EDIL3: variants seen among roughly 807,000 people sequenced by gnomAD.
EDIL3 encodes the protein EGF like and discoidin domains 3, also known as EGF-like repeat and discoidin I-like domain-containing protein 3.
A neutral mutation model predicts 67.4 loss-of-function variants in EDIL3; 37 were observed. That is an observed-to-expected ratio of 0.55 (90% CI 0.42 to 0.72). The LOEUF (loss-of-function observed/expected upper bound fraction) is 0.72. Among genes scored for constraint, EDIL3 ranks in the 30% least tolerant of loss-of-function variants. The pLI, the probability that EDIL3 is intolerant of heterozygous loss-of-function variation, is 0.00. For missense variants in EDIL3, 527 were observed against 586.3 expected (o/e 0.90, Z 1.04); for synonymous variants, 195 against 196.3 (o/e 0.99, Z 0.05).
chr5:84,114,945 G>C lies in EDIL3; in HGVS notation c.470-8115C>G, dbSNP rs969961602. On this transcript the variant is annotated intron_variant, in intron 5 of 10. Transcript: ENST00000296591. ...CCTCTGAGACAATATGCTTCTTACA[G>C]GTAGAGACGATGCCTTTTGCATTAT... Among the ~76,000 whole-genome samples the C allele has an allele frequency of 1.4e-4, 21 of 152,294 alleles. 1 individual carries two copies. Among genetic ancestry groups the C allele is most frequent in the African/African-American group, 5.1e-4 (21 of 41,570 alleles).
In EDIL3 at chr5:84,133,300, T is replaced by C. The variant is rs529282363; in HGVS notation, c.469+3941A>G. Among the ~76,000 whole-genome samples, 7 of 152,042 alleles carry C rather than the reference T, an allele frequency of 4.6e-5. 1 individual carries two copies. In the South Asian group the frequency reaches 1.2e-3, roughly 27 times the overall value. On this transcript the variant is annotated intron_variant, in intron 5 of 10. Transcript: ENST00000296591. ...TTTTCAAGCTGTTTATGGAAATAAC[T>C]GTCAGAACACTTGAGCTTATAACAT...
At chr5:84,370,649 C>T (rs1747823639) in intron 1 of EDIL3, among the ~76,000 whole-genome samples, 1 of 152,122 alleles carries the variant, frequency 6.6e-6, no homozygotes, top group African/African-American at 2.4e-5. Context: ...AATTTGGCAA[C>T]CACAGATAAA....
chr5:84,061,298 CT>C (rs1378607997), intron 8 of EDIL3, among the ~76,000 whole-genome samples: 1 of 152,032 alleles, frequency 6.6e-6, no homozygotes, highest in Non-Finnish European at 1.5e-5. Context: ...TTTTGGCTTG[CT>C]TGTCCTTGAA....
At chr5:84,184,603 C>A (rs537229621) in intron 3 of EDIL3, among the ~76,000 whole-genome samples, 1 of 152,248 alleles carries the variant, frequency 6.6e-6, no homozygotes, top group Non-Finnish European at 1.5e-5. Flanking sequence ...AAGGGCTATA[C>A]TATTGATGTG....
At chr5:84,232,928 T>G (rs988953610) in intron 2 of EDIL3, among the ~76,000 whole-genome samples, 4 of 152,182 alleles carry the variant, frequency 2.6e-5, no homozygotes, top group Admixed American at 1.3e-4. Flanking sequence ...TAATGACATT[T>G]CTGCGAAACA....
intron 3 of EDIL3, among the ~76,000 whole-genome samples, chr5:84,182,633 A>G (rs1749034026): frequency 6.6e-6 from 1 of 152,142 alleles, no homozygotes. Flanking sequence ...TTCTTCTGAG[A>G]GCTGTATTTG....
intron 4 of EDIL3, among the ~76,000 whole-genome samples, chr5:84,150,393 G>C (rs749451410): frequency 6.6e-6 from 1 of 151,980 alleles, no homozygotes; most frequent in Non-Finnish European, 1.5e-5. Flanking sequence ...TCAAAAATAT[G>C]ATAAAGAACT....
intron 9 of EDIL3, among the ~76,000 whole-genome samples, chr5:84,007,374 C>T (rs1745437516): frequency 6.6e-6 from 1 of 152,084 alleles, no homozygotes; most frequent in African/African-American, 2.4e-5. Context: ...AACTATCCAT[C>T]TGACAAGGGA....
At chr5:84,259,482 C>T (rs1297367032) in intron 1 of EDIL3, among the ~76,000 whole-genome samples, 1 of 152,166 alleles carries the variant, frequency 6.6e-6, no homozygotes, top group Non-Finnish European at 1.5e-5. Context: ...TTGATTCTAA[C>T]CATGTTTTAT....
At chr5:84,079,044 T>C (rs1040870187) in intron 6 of EDIL3, among the ~76,000 whole-genome samples, 1 of 152,084 alleles carries the variant, frequency 6.6e-6, no homozygotes, top group Non-Finnish European at 1.5e-5. Context: ...AATGATTTCA[T>C]CAATCAGGCC....
intron 1 of EDIL3, among the ~76,000 whole-genome samples, chr5:84,291,669 T>C (rs974288580): frequency 3.7e-5 from 4 of 108,330 alleles, no homozygotes; most frequent in Non-Finnish European, 7.1e-5. Context: ...TCTATATATA[T>C]ATCTATCTAT....
chr5:84,380,280 TTC>T (rs772914518), intron 1 of EDIL3, among the ~76,000 whole-genome samples: 3 of 151,642 alleles, frequency 2.0e-5, no homozygotes, highest in Non-Finnish European at 4.4e-5. Context: ...GCTAAGCGTC[TTC>T]CTTAAAACAC....
intron 1 of EDIL3, among the ~76,000 whole-genome samples, chr5:84,315,510 C>T (rs919301944): frequency 4.6e-5 from 7 of 152,112 alleles, no homozygotes; most frequent in African/African-American, 1.7e-4. Context: ...AAAGATTTAA[C>T]ACCTCATTGA....
At chr5:84,214,498 T>G (rs2112392905) in intron 3 of EDIL3, among the ~76,000 whole-genome samples, 1 of 152,292 alleles carries the variant, frequency 6.6e-6, no homozygotes, top group East Asian at 1.9e-4. Context: ...TATTTTGTAT[T>G]ACTTTATTGT....
intron 1 of EDIL3, among the ~76,000 whole-genome samples, chr5:84,291,808 C>T (rs13177814): frequency 6.8e-6 from 1 of 147,004 alleles, no homozygotes; most frequent in Admixed American, 6.8e-5. Context: ...CATATATATA[C>T]ACACACATAT....
At chr5:84,308,040 A>C (rs754827356) in intron 1 of EDIL3, among the ~76,000 whole-genome samples, 2 of 152,168 alleles carry the variant, frequency 1.3e-5, no homozygotes, top group Non-Finnish European at 2.9e-5. Flanking sequence ...AATTCTGCCC[A>C]ACAGTATAAA....
intron 1 of EDIL3, among the ~76,000 whole-genome samples, chr5:84,306,692 T>G (rs995950036): frequency 2.6e-5 from 4 of 152,240 alleles, no homozygotes; most frequent in African/African-American, 9.6e-5. Flanking sequence ...TTTTGTGATA[T>G]GAAGATTGAT....
At chr5:83,983,145 TC>T (rs1353467280) in intron 9 of EDIL3, among the ~76,000 whole-genome samples, 1 of 152,114 alleles carries the variant, frequency 6.6e-6, no homozygotes, top group Non-Finnish European at 1.5e-5. Context: ...GAACCTTTGC[TC>T]CCAACGATCA....
chr5:84,012,702 T>C (rs970523494), intron 9 of EDIL3, among the ~76,000 whole-genome samples: 2 of 152,136 alleles, frequency 1.3e-5, no homozygotes, highest in African/African-American at 2.4e-5. Context: ...TTTTTAACTG[T>C]AAACACACGT....
Sources: allele counts gnomAD v4.1 joint callset (sites outside exome capture counted in the v4.1 genomes callset), GRCh38; gene constraint gnomAD v4.1.1; transcripts MANE v1.5; gene names NCBI Gene and HGNC (gene_info 2026-07-23, HGNC 2026-07-21).